The following EPB41L4A variants were observed in gnomAD, a reference collection of about 807,000 sequenced individuals.
EPB41L4A encodes the protein erythrocyte membrane protein band 4.1 like 4A, also known as band 4.1-like protein 4A.
EPB41L4A carries 100 observed loss-of-function variants against 108.6 expected under a neutral mutation model. The ratio of observed to expected loss-of-function variants is 0.92; its 90% confidence interval spans 0.78 to 1.09. The LOEUF is 1.09. Among genes scored for constraint, EPB41L4A ranks in the 50% least tolerant of loss-of-function variants. EPB41L4A has a pLI of 0.00. For missense variants in EPB41L4A, 1,030 were observed against 842.7 expected (o/e 1.22, Z -2.75); for synonymous variants, 319 against 289.0 (o/e 1.10, Z -1.05).
At chr5:112,314,706 T>C (rs1431829571) in intron 1 of EPB41L4A, among the ~76,000 whole-genome samples, 3 of 151,584 alleles carry the variant, frequency 2.0e-5, no homozygotes, top group Non-Finnish European at 2.9e-5. Context: ...GACAGGAAAA[T>C]TGCCTGAAGC....
chr5:112,383,339 A>C (rs1243890404), intron 1 of EPB41L4A, among the ~76,000 whole-genome samples: 2 of 152,256 alleles, frequency 1.3e-5, no homozygotes, highest in Non-Finnish European at 2.9e-5. Flanking sequence ...ATGAAATAAA[A>C]ATAGCATTTA....
At chr5:112,245,716 A>G (rs1288669224) in intron 9 of EPB41L4A, among the ~76,000 whole-genome samples, 1 of 152,242 alleles carries the variant, frequency 6.6e-6, no homozygotes, top group African/African-American at 2.4e-5. Context: ...GATGCAGGTC[A>G]GAGAGCCAGA....
At chr5:112,331,271 C>T (rs563105540) in intron 1 of EPB41L4A, among the ~76,000 whole-genome samples, 2 of 152,344 alleles carry the variant, frequency 1.3e-5, no homozygotes, top group African/African-American at 4.8e-5. Context: ...TGGTGCCCTG[C>T]TATCATTCCA....
chr5:112,418,464 C>T (rs192982371), intron 1 of EPB41L4A, among the ~76,000 whole-genome samples: 10 of 152,314 alleles, frequency 6.6e-5, no homozygotes, highest in Admixed American at 2.0e-4. Context: ...TACCCAACTA[C>T]GAACCCACGC....
chr5:112,220,076 T>G (rs1466177289), intron 12 of EPB41L4A, among the ~76,000 whole-genome samples: 2 of 152,218 alleles, frequency 1.3e-5, no homozygotes, highest in African/African-American at 4.8e-5. Context: ...TTACAAATGT[T>G]ATTTTTTGCT....
chr5:112,419,283 C>T (rs1762928536), upstream of EPB41L4A: 1 of 377,154 alleles, frequency 2.7e-6, no homozygotes, highest in Non-Finnish European at 4.8e-6. Flanking sequence ...GAACTGGGCG[C>T]GGAGGGCGGT....
chr5:112,361,074 A>G (rs1007717854), intron 1 of EPB41L4A, among the ~76,000 whole-genome samples: 5 of 152,030 alleles, frequency 3.3e-5, no homozygotes, highest in Admixed American at 1.3e-4. Flanking sequence ...TTTGTCAAAT[A>G]GAAAGGGGGG....
rs1374605482 is a variant in EPB41L4A, at chr5:112,321,369, C to T, written c.100-13879G>A. 2.0e-5 allele frequency among the ~76,000 whole-genome samples: 3 copies of T among 152,182 alleles called. No individual in the cohort carries two copies. The South Asian group carries it at 6.2e-4, about 31-fold the overall frequency. On this transcript the variant is annotated intron_variant, in intron 1 of 22. Transcript: ENST00000261486. ...AGCATTCTGTGCAAAGGATGCATTC[C>T]TTAAGACATTTCATAATCCGGTACT...
intron 2 of EPB41L4A, among the ~76,000 whole-genome samples, chr5:112,293,107 G>C (rs1178256560): frequency 2.0e-5 from 3 of 151,872 alleles, no homozygotes; most frequent in Non-Finnish European, 4.4e-5. Context: ...TGGATATATG[G>C]ATATATATAT....
chr5:112,408,663 G>GCA (rs1762228357), intron 1 of EPB41L4A, among the ~76,000 whole-genome samples: 1 of 93,978 alleles, frequency 1.1e-5, no homozygotes, highest in African/African-American at 4.4e-5. Context: ...GCAACATGGT[G>GCA]AGACTCCATC....
intron 3 of EPB41L4A, among the ~76,000 whole-genome samples, chr5:112,277,897 C>CTT (rs1752713982): frequency 6.6e-6 from 1 of 152,124 alleles, no homozygotes; most frequent in South Asian, 2.1e-4. Flanking sequence ...ATTCCATGGA[C>CTT]TCAAACGTTT....
intron 4 of EPB41L4A, among the ~76,000 whole-genome samples, chr5:112,267,781 T>TAA (rs1344895937): frequency 6.7e-6 from 1 of 148,492 alleles, no homozygotes; most frequent in Non-Finnish European, 1.5e-5. Context: ...CTCTTTCAGT[T>TAA]AAAAAAAAAA....
In EPB41L4A at chr5:112,164,921, T is replaced by C; in HGVS notation, c.*69A>G. ...TCTGAGATTTGAATTAAGATACCTA[T>C]TTCACAGTTTCAAAAGTACCAGTGG... On this transcript the variant is annotated 3_prime_UTR_variant, in exon 23 of 23. Coordinates refer to ENST00000261486, the MANE Select transcript of EPB41L4A (RefSeq NM_022140.5). 7.0e-7 allele frequency: 1 copy of C among 1,421,554 alleles called. No homozygotes were observed. Among genetic ancestry groups the C allele is most frequent in the Non-Finnish European group, 9.4e-7 (1 of 1,066,180 alleles). 88.1% of individuals were successfully genotyped at this position (1,421,554 alleles called of 1,614,324 possible). A position where few individuals can be genotyped will look rare whatever the true frequency, so the allele number is the denominator to read the frequency against.
intron 1 of EPB41L4A, among the ~76,000 whole-genome samples, chr5:112,317,218 C>T (rs1034632373): frequency 1.3e-5 from 2 of 152,120 alleles, no homozygotes; most frequent in Admixed American, 1.3e-4. Context: ...TTTCTTCACT[C>T]ATCTCTGTAA....
At chr5:112,248,740 G>A (rs778693863) in intron 9 of EPB41L4A, among the ~76,000 whole-genome samples, 3 of 152,030 alleles carry the variant, frequency 2.0e-5, no homozygotes, top group Admixed American at 6.6e-5. Context: ...ATCTACTTTC[G>A]CCTAGCTTCT....
chr5:112,383,970 A>T (rs1189818446), intron 1 of EPB41L4A, among the ~76,000 whole-genome samples: 1 of 152,234 alleles, frequency 6.6e-6, no homozygotes, highest in Non-Finnish European at 1.5e-5. Context: ...ATTATATTAA[A>T]AACTCTGAAA....
In EPB41L4A at chr5:112,266,292, T is replaced by G; in HGVS notation, c.374A>C (p.Gln125Pro). ...GTTGACGGGACAGGGCAGACGGCCC[T>G]GAAGGACATCTTGCTTCACCTGCAA... ...FFLQVKQDVL[Q>P]GRLPCPVNTA... The change falls in exon 5 of 23, where the codon CAG (glutamine) becomes CCG (proline). Residue 125 changes from glutamine (Q) to proline (P), a missense_variant. Transcript: ENST00000261486. 1 of 1,609,904 alleles carries G rather than the reference T, an allele frequency of 6.2e-7. No individual in the cohort carries two copies. The highest frequency in any genetic ancestry group is 8.5e-7 in the Non-Finnish European group (1 of 1,178,390).
chr5:112,296,990 TAC>T (rs10542487), intron 2 of EPB41L4A, among the ~76,000 whole-genome samples: 36,209 of 148,546 alleles, frequency 0.24, 5,459 homozygotes, highest in African/African-American at 0.45. Flanking sequence ...TATACATACA[TAC>T]ACACACACAC....
intron 13 of EPB41L4A, among the ~76,000 whole-genome samples, chr5:112,145,663 A>C (rs1759224721): frequency 6.6e-6 from 1 of 152,206 alleles, no homozygotes; most frequent in Admixed American, 6.5e-5. Context: ...AAGTTTAACC[A>C]GCCTAAGACT....
Sources: allele counts gnomAD v4.1 joint callset (sites outside exome capture counted in the v4.1 genomes callset), GRCh38; gene constraint gnomAD v4.1.1; transcripts MANE v1.5; gene names NCBI Gene and HGNC (gene_info 2026-07-23, HGNC 2026-07-21).